The following TRIM40 variants were observed in gnomAD, a reference collection of about 807,000 sequenced individuals.
TRIM40 encodes E3 ubiquitin ligase TRIM40.
TRIM40 carries 27 observed loss-of-function variants against 26.1 expected under a neutral mutation model. The observed-to-expected ratio is 1.04, with a 90% CI of 0.76 to 1.43. The LOEUF is 1.43. TRIM40 is among the 40% of genes most tolerant of loss of function. TRIM40 has a pLI of 0.00. For synonymous variants in TRIM40, 114 were observed against 120.0 expected, an observed-to-expected ratio of 0.95 and a Z score of 0.33; for missense variants, 289 against 307.9, an observed-to-expected ratio of 0.94 and a Z score of 0.46.
At chr6:30,144,191 G>A (rs909844235) in intron 2 of TRIM40, among the ~76,000 whole-genome samples, 1 of 152,074 alleles carries the variant, frequency 6.6e-6, no homozygotes, top group African/African-American at 2.4e-5. Context: ...AGGAGTTTGG[G>A]CTTATCTTTG....
intron 2 of TRIM40, among the ~76,000 whole-genome samples, chr6:30,141,416 G>A (rs79572347): frequency 0.051 from 7,741 of 152,280 alleles, 312 homozygotes; most frequent in African/African-American, 0.1. Context: ...TTTGGGGTAA[G>A]GTTCTGGGAA....
At position 30,136,984 on chromosome 6, in the gene TRIM40, C is replaced by T; in HGVS notation, c.-53C>T. 1 of 1,560,382 alleles carries T rather than the reference C, an allele frequency of 6.4e-7. No individual in the cohort carries two copies. The highest frequency in any genetic ancestry group is 8.7e-7 in the Non-Finnish European group (1 of 1,147,020). ...TGAGGGCAACAGGCCTTCCGAAGAC[C>T]AGTGAAGAAGGAGGCCCTGCAAACA... On this transcript the variant is annotated 5_prime_UTR_variant, in exon 2 of 6. Coordinates refer to ENST00000396581, the MANE Select transcript of TRIM40 (RefSeq NM_001286633.2).
intron 4 of TRIM40, 92 bp from the exon 5 acceptor site, chr6:30,147,428 C>T (rs1771736373): frequency 2.0e-5 from 32 of 1,594,442 alleles, no homozygotes; most frequent in Non-Finnish European, 2.7e-5. Flanking sequence ...GGTGGCACCC[C>T]AGAGTGGCCT....
rs1424216508 is a variant in TRIM40 at position 30,137,178 on chromosome 6, T to C, written c.142T>C (p.Ser48Pro). 6.2e-7 allele frequency: 1 copy of C among 1,613,034 alleles called. No homozygotes were observed. The highest frequency in any genetic ancestry group is 1.1e-5 in the South Asian group (1 of 91,066). Residue 48 changes from serine (S) to proline (P), a missense_variant, in exon 2 of 6, where the codon TCT (serine) becomes CCT (proline). Transcript: ENST00000396581. ...LTQHVEKASA[S>P]GVFCCPLCRK... ...ACAGCATGTGGAGAAGGCCTCAGCC[T>C]CTGGGGTCTTCTGCTGCCCCCTCTG...
intron 3 of TRIM40, 83 bp downstream of exon 3, chr6:30,146,172 C>T: frequency 8.6e-7 from 1 of 1,164,502 alleles, no homozygotes; most frequent in Non-Finnish European, 1.3e-6. Context: ...TCTGTCTGTC[C>T]CTGGAACAGC....
At position 30,146,654 on chromosome 6, in the gene TRIM40, G is replaced by A. The variant is rs369664562; in HGVS notation, c.442-331G>A. 1.3e-3 allele frequency among the ~76,000 whole-genome samples: 200 copies of A among 152,178 alleles called. 5 individuals carry two copies. Among genetic ancestry groups the A allele is most frequent in the Middle Eastern group, 3.4e-3 (1 of 292 alleles). ...TCTCGATCTCCTGACCTCGTGATCC[G>A]CCCGCCTTGGCCTCCCAAAGTGCTG... On this transcript the variant is annotated intron_variant, in intron 3 of 5. Transcript: ENST00000396581.
intron 2 of TRIM40, among the ~76,000 whole-genome samples, chr6:30,140,013 A>G (rs560279838): frequency 1.5e-4 from 23 of 152,264 alleles, no homozygotes; most frequent in Non-Finnish European, 2.8e-4. Flanking sequence ...AATCAAAACC[A>G]CAATGAGATA....
Position 30,147,127 on chromosome 6 carries a change from T to C in TRIM40, c.584T>C (p.Ile195Thr). 6.2e-7 allele frequency: 1 copy of C among 1,614,110 alleles called. No homozygotes were observed. Among genetic ancestry groups the C allele is most frequent in the Non-Finnish European group, 8.5e-7 (1 of 1,180,016 alleles). Residue 195 changes from isoleucine (I) to threonine (T), a missense_variant, in exon 4 of 6, where the codon ATC (isoleucine) becomes ACC (threonine). By Grantham distance (89) the Ile-to-Thr change is moderately conservative. Transcript: ENST00000396581. ...GCAGAAGCGGCCAGAATCCTTGACA[T>C]CTCCAGGGCAGTAACACAGCTCAGA... Reference protein sequence around the residue: ...MPAEAARILDISRAVTQLRSL... With the variant: ...MPAEAARILDTSRAVTQLRSL...
intron 2 of TRIM40, among the ~76,000 whole-genome samples, chr6:30,140,370 C>T (rs1771274483): frequency 6.6e-6 from 1 of 152,164 alleles, no homozygotes; most frequent in South Asian, 2.1e-4. Context: ...CACATATACA[C>T]CATGGAATAC....
At chr6:30,146,511 A>T (rs1483979747) in intron 3 of TRIM40, among the ~76,000 whole-genome samples, 1 of 151,934 alleles carries the variant, frequency 6.6e-6, no homozygotes, top group Non-Finnish European at 1.5e-5. Flanking sequence ...TCCCGGGTTC[A>T]CGCCATTCTC....
intron 2 of TRIM40, among the ~76,000 whole-genome samples, chr6:30,143,431 CTT>C (rs9278593): frequency 0.011 from 1,296 of 116,424 alleles, 9 homozygotes; most frequent in Middle Eastern, 0.033. Context: ...GTTAATTTTT[CTT>C]TTTTTTTTTT....
chr6:30,145,988 CTT>C lies in TRIM40; in HGVS notation c.346-4_346-3del, dbSNP rs756646152. 1 of 1,612,828 alleles carries C rather than the reference CTT, an allele frequency of 6.2e-7. No homozygotes were observed. The highest frequency in any genetic ancestry group is 1.1e-5 in the South Asian group (1 of 91,056). On this transcript the variant is annotated splice_region_variant and splice_polypyrimidine_tract_variant and intron_variant, in intron 2 of 5. Transcript: ENST00000396581. The stretch of plus-strand genomic sequence containing the variant: ...GTCTGACAAGCAGGTGTGTCTGTCT[CTT>C]TAGGAACGACTCAATCGCCGGAGCA...
chr6:30,147,722 T>C lies in TRIM40; in HGVS notation c.690-3T>C. ...AATCTATGAAAGATTTCTTTGTTTC[T>C]AGGAGTGCTCCACAGAAATTAGAGG... On this transcript the variant is annotated splice_region_variant and splice_polypyrimidine_tract_variant and intron_variant, in intron 5 of 5. Coordinates refer to ENST00000396581, the MANE Select transcript of TRIM40 (RefSeq NM_001286633.2). 2 of 1,614,020 alleles carry C rather than the reference T, an allele frequency of 1.2e-6. No homozygotes were observed. The highest frequency in any genetic ancestry group is 1.7e-6 in the Non-Finnish European group (2 of 1,179,874).
In TRIM40 at chr6:30,147,069, C is replaced by T. The variant is rs200942796; in HGVS notation, c.526C>T (p.Gln176Ter). 3.1e-6 allele frequency: 5 copies of T among 1,613,932 alleles called. No homozygotes were observed. The South Asian group carries it at 4.4e-5, about 14-fold the overall frequency. ...CAGGGAACAGCTGGGTGCCCTCCCT[C>T]AGCAGTGGCTGGGCCAGCTGGAGCA... ...QTREQLGALP[Q>*]QWLGQLEHMP... Residue 176 changes from glutamine to a stop codon, truncating the protein, a stop_gained, in exon 4 of 6, where the codon CAG becomes TAG. Transcript: ENST00000396581. LOFTEE classifies it high-confidence loss of function.
At chr6:30,139,172 C>T (rs979735985) in intron 2 of TRIM40, among the ~76,000 whole-genome samples, 2 of 150,516 alleles carry the variant, frequency 1.3e-5, no homozygotes, top group African/African-American at 4.8e-5. Context: ...AAATAAATAA[C>T]GATGACACTT....
intron 2 of TRIM40, among the ~76,000 whole-genome samples, chr6:30,143,214 A>G (rs1052152492): frequency 1.3e-5 from 2 of 152,108 alleles, no homozygotes; most frequent in African/African-American, 4.8e-5. Flanking sequence ...CCCTGACTCT[A>G]TTGAGGGTAG....
chr6:30,147,422 G>A (rs772930662), intron 4 of TRIM40, 98 bp from the exon 5 acceptor site: 10 of 1,573,306 alleles, frequency 6.4e-6, no homozygotes, highest in Non-Finnish European at 8.7e-6. Context: ...TCTCAAGGTG[G>A]CACCCCAGAG....
chr6:30,147,680 A>G (rs759554007), intron 5 of TRIM40, 45 bp from the exon 6 acceptor site: 2 of 1,608,952 alleles, frequency 1.2e-6, no homozygotes, highest in African/African-American at 1.3e-5. Flanking sequence ...AGCCAATGGA[A>G]TATATGAATA....
At chr6:30,147,479 C>T (rs774855564) in intron 4 of TRIM40, 41 bp from the exon 5 acceptor site, 1 of 1,613,502 alleles carries the variant, frequency 6.2e-7, no homozygotes, top group Non-Finnish European at 8.5e-7. Flanking sequence ...GTGATAGGAA[C>T]CTGAGAACCA....
Sources: allele counts gnomAD v4.1 joint callset (sites outside exome capture counted in the v4.1 genomes callset), GRCh38; gene constraint gnomAD v4.1.1; transcripts MANE v1.5; gene names NCBI Gene and HGNC (gene_info 2026-07-23, HGNC 2026-07-21).